Variants in ATP8A2 observed in about 807,000 individuals in gnomAD.
The protein encoded by ATP8A2 is phospholipid-transporting ATPase IB.
A neutral mutation model predicts 165.6 loss-of-function variants in ATP8A2; 100 were observed. The observed-to-expected ratio is 0.60, with a 90% CI of 0.51 to 0.71. The LOEUF (loss-of-function observed/expected upper bound fraction) is 0.71, where lower values mean the gene tolerates loss of function less well. Ranked by LOEUF, ATP8A2 falls within the 30% of genes least tolerant of loss-of-function variation. ATP8A2 has a pLI of 0.00. For missense variants in ATP8A2, 1,227 were observed against 1,479.5 expected, an observed-to-expected ratio of 0.83 and a Z score of 2.80; for synonymous variants, 543 against 548.8, an observed-to-expected ratio of 0.99 and a Z score of 0.15.
At chr13:25,875,144 T>C (rs1385132876) in intron 33 of ATP8A2, among the ~76,000 whole-genome samples, 1 of 152,084 alleles carries the variant, frequency 6.6e-6, no homozygotes, top group East Asian at 1.9e-4. Flanking sequence ...GTTGCAGTTT[T>C]GCCACATGAA....
intron 1 of ATP8A2, among the ~76,000 whole-genome samples, chr13:25,397,576 A>G (rs1415829443): frequency 6.6e-6 from 1 of 151,942 alleles, no homozygotes; most frequent in Non-Finnish European, 1.5e-5. Context: ...TCACTGGGAA[A>G]CCCTGAGAAT....
chr13:25,699,730 G>T (rs1402638468), intron 25 of ATP8A2, among the ~76,000 whole-genome samples: 2 of 152,108 alleles, frequency 1.3e-5, no homozygotes, highest in Admixed American at 6.5e-5. Flanking sequence ...TCTGGCGTTT[G>T]TTGGGGTATT....
chr13:26,012,699 G>A, intron 36 of ATP8A2, 77 bp downstream of exon 36: 4 of 684,734 alleles, frequency 5.8e-6, no homozygotes, highest in Non-Finnish European at 8.1e-6. Context: ...TTGGGGGAGC[G>A]GGCGCTGATG....
chr13:25,732,327 GA>G (rs1205305123), intron 25 of ATP8A2, among the ~76,000 whole-genome samples: 1 of 152,192 alleles, frequency 6.6e-6, no homozygotes, highest in African/African-American at 2.4e-5. Flanking sequence ...ACGTAGCAAT[GA>G]GGTCACTGAC....
intron 1 of ATP8A2, among the ~76,000 whole-genome samples, chr13:25,393,536 C>T (rs1188779132): frequency 6.6e-6 from 1 of 152,176 alleles, no homozygotes; most frequent in African/African-American, 2.4e-5. Flanking sequence ...CTGCCTCAGC[C>T]TCCAGAGTAG....
rs563391550 is a variant in ATP8A2 at position 25,530,494 on chromosome 13, G to A, written c.322-68G>A. 40 of 901,752 alleles carry A rather than the reference G, an allele frequency of 4.4e-5. 1 individual carries two copies. The East Asian group carries it at 4.5e-4, about 10-fold the overall frequency. The allele number at this position is 901,752 out of a possible 1,614,324, so 55.9% of individuals were successfully genotyped here. A position where few individuals can be genotyped will look rare whatever the true frequency, so the allele number is the denominator to read the frequency against. ...AAAGTGTGAAACGTACGTGACTGCC[G>A]TAATTTTCTGTTCATGGAGAGGATT... On this transcript the variant is annotated intron_variant, in intron 3 of 36. Coordinates refer to ENST00000381655, the MANE Select transcript of ATP8A2 (RefSeq NM_016529.6).
chr13:25,900,407 G>T (rs757947500), intron 33 of ATP8A2, among the ~76,000 whole-genome samples: 2 of 152,192 alleles, frequency 1.3e-5, no homozygotes, highest in African/African-American at 4.8e-5. Context: ...CGTGTCCCAA[G>T]GTGGTCGTCA....
intron 30 of ATP8A2, among the ~76,000 whole-genome samples, chr13:25,841,764 C>A (rs1016279148): frequency 1.3e-5 from 2 of 152,166 alleles, no homozygotes; most frequent in African/African-American, 4.8e-5. Context: ...CCATTTTGTG[C>A]TGCTATAAGA....
intron 17 of ATP8A2, 88 bp from the exon 18 acceptor site, chr13:25,571,522 C>T (rs753694487): frequency 2.0e-5 from 19 of 936,030 alleles, no homozygotes; most frequent in East Asian, 4.8e-5. Flanking sequence ...TTCAGTAGAG[C>T]GGATTTTGTT....
chr13:26,020,855 A>C lies in ATP8A2; in HGVS notation c.*870A>C, dbSNP rs115224323. On this transcript the variant is annotated 3_prime_UTR_variant, in exon 37 of 37. Coordinates refer to ENST00000381655, the MANE Select transcript of ATP8A2 (RefSeq NM_016529.6). ...AAGAAAAGAAACATAGCCTTTCTGCATATATTCTAAACGTCTCTCTGCCTC... is the reference window on the plus strand; with the variant it reads ...AAGAAAAGAAACATAGCCTTTCTGCCTATATTCTAAACGTCTCTCTGCCTC... 1 of 152,420 alleles carries C rather than the reference A, an allele frequency of 6.6e-6. No homozygotes were observed. The highest frequency in any genetic ancestry group is 2.1e-4 in the South Asian group (1 of 4,832). The allele number at this position is 152,420 out of a possible 1,614,324, so 9.4% of individuals were successfully genotyped here. A position where few individuals can be genotyped will look rare whatever the true frequency, so the allele number is the denominator to read the frequency against.
intron 1 of ATP8A2, among the ~76,000 whole-genome samples, chr13:25,437,518 T>C (rs2034814448): frequency 1.3e-5 from 2 of 152,210 alleles, no homozygotes; most frequent in Non-Finnish European, 2.9e-5. Context: ...AAAGCTCTTA[T>C]ATAAAGTCAG....
intron 2 of ATP8A2, among the ~76,000 whole-genome samples, chr13:25,514,979 C>G (rs574038449): frequency 1.3e-5 from 2 of 152,136 alleles, no homozygotes; most frequent in Non-Finnish European, 2.9e-5. Flanking sequence ...TGAGTGTCTG[C>G]GAGGGGATTT....
At chr13:25,851,450 G>A (rs1284118450) in intron 30 of ATP8A2, among the ~76,000 whole-genome samples, 1 of 152,066 alleles carries the variant, frequency 6.6e-6, no homozygotes, top group Non-Finnish European at 1.5e-5. Context: ...AGGCATGGTG[G>A]TGGGCACCTG....
At chr13:25,931,466 C>T (rs887882628) in intron 33 of ATP8A2, among the ~76,000 whole-genome samples, 18 of 152,196 alleles carry the variant, frequency 1.2e-4, no homozygotes, top group Admixed American at 2.0e-4. Flanking sequence ...CTAAGCAGTT[C>T]GAATGTAAGA....
chr13:25,970,771 T>C lies in ATP8A2; in HGVS notation c.3377+2092T>C, dbSNP rs545208457. Among the ~76,000 whole-genome samples, 4 of 152,322 alleles carry C rather than the reference T, an allele frequency of 2.6e-5. No homozygotes were observed. In the East Asian group the frequency reaches 7.7e-4, roughly 29 times the overall value. ...CATGAGCTGTCGGCCTTGAATTGTA[T>C]TGAAGGAAGTCGTGGGCTGTCAGCC... On this transcript the variant is annotated intron_variant, in intron 35 of 36. Transcript: ENST00000381655.
chr13:25,440,274 C>A (rs1764639), intron 1 of ATP8A2, among the ~76,000 whole-genome samples: 148,059 of 152,154 alleles, frequency 0.97, 72,088 homozygotes, highest in East Asian at 0.99. Flanking sequence ...TAGTTTAGAA[C>A]TTGTGCTGTC....
chr13:25,761,614 A>G (rs1486918423), intron 25 of ATP8A2, among the ~76,000 whole-genome samples: 1 of 150,782 alleles, frequency 6.6e-6, no homozygotes, highest in Non-Finnish European at 1.5e-5. Context: ...CCTGTCTCAA[A>G]AAAAGTATAT....
chr13:25,825,218 A>G (rs1264023117), intron 27 of ATP8A2, among the ~76,000 whole-genome samples: 1 of 117,872 alleles, frequency 8.5e-6, no homozygotes, highest in African/African-American at 3.3e-5. Context: ...GTGCAATGGC[A>G]TGGTCAGAGC....
At position 25,730,468 on chromosome 13, in the gene ATP8A2, T is replaced by C. The variant is rs181454652; in HGVS notation, c.2384+31123T>C. On this transcript the variant is annotated intron_variant, in intron 25 of 36. Coordinates refer to ENST00000381655, the MANE Select transcript of ATP8A2 (RefSeq NM_016529.6). ...TGGTCCTGCTTTTACCTCTGGTGTCTAAAATGTAATAAATATGTGAACTAG... is the reference window on the plus strand; with the variant it reads ...TGGTCCTGCTTTTACCTCTGGTGTCCAAAATGTAATAAATATGTGAACTAG... 4.6e-5 allele frequency among the ~76,000 whole-genome samples: 7 copies of C among 152,338 alleles called. 1 individual carries two copies. Among genetic ancestry groups the C allele is most frequent in the African/African-American group, 1.7e-4 (7 of 41,572 alleles).
Sources: gnomAD v4.1 joint callset for allele counts (sites outside exome capture counted in the v4.1 genomes callset) on GRCh38, gnomAD v4.1.1 for gene constraint, MANE v1.5 for transcripts, NCBI Gene and HGNC (gene_info 2026-07-23, HGNC 2026-07-21) for gene names.